ZYG11A: variants seen among roughly 807,000 people sequenced by gnomAD.
The protein encoded by ZYG11A is zyg-11 family member A, cell cycle regulator.
A neutral mutation model predicts 77.2 loss-of-function variants in ZYG11A; 62 were observed. That is an observed-to-expected ratio of 0.80 (90% CI 0.65 to 0.99). The LOEUF (loss-of-function observed/expected upper bound fraction) is 0.99, where lower values mean the gene tolerates loss of function less well. Among genes scored for constraint, ZYG11A ranks in the 50% least tolerant of loss-of-function variants. The pLI, the probability that ZYG11A is intolerant of heterozygous loss-of-function variation, is 0.00. For missense variants in ZYG11A, 828 were observed against 896.8 expected (o/e 0.92, Z 0.98); for synonymous variants, 315 against 324.6 (o/e 0.97, Z 0.32).
intron 8 of ZYG11A, among the ~76,000 whole-genome samples, chr1:52,874,632 T>G (rs1429003674): frequency 3.9e-5 from 6 of 152,154 alleles, no homozygotes. Flanking sequence ...CTTAGAAGGC[T>G]GAGGCAGGCG....
chr1:52,870,029 G>A (rs1387943983), intron 8 of ZYG11A, among the ~76,000 whole-genome samples: 10 of 143,354 alleles, frequency 7.0e-5, no homozygotes, highest in East Asian at 4.0e-4. Context: ...CTTCTCAGAC[G>A]GGGCGGCCAG....
chr1:52,885,343 T>G (rs1021962076), intron 11 of ZYG11A, among the ~76,000 whole-genome samples: 5 of 131,708 alleles, frequency 3.8e-5, no homozygotes, highest in African/African-American at 1.3e-4. Context: ...TGGGTTTTTG[T>G]TTTTTTTTTT....
At chr1:52,885,406 G>A (rs11206037) in intron 11 of ZYG11A, among the ~76,000 whole-genome samples, 10,842 of 150,418 alleles carry the variant, frequency 0.072, 726 homozygotes, top group African/African-American at 0.18. Context: ...GGGTTTCACC[G>A]TGTTAGCCAG....
intron 13 of ZYG11A, among the ~76,000 whole-genome samples, chr1:52,890,249 GTTTTTTTT>G (rs908467307): frequency 4.2e-5 from 3 of 71,658 alleles, no homozygotes; most frequent in Non-Finnish European, 7.4e-5. Flanking sequence ...TTTTCTTTTA[GTTTTTTTT>G]TTTTTTTTTT....
intron 12 of ZYG11A, 22 bp from the exon 13 acceptor site, chr1:52,886,934 T>C (rs772094906): frequency 2.2e-6 from 3 of 1,334,844 alleles, no homozygotes; most frequent in Non-Finnish European, 3.2e-6. Flanking sequence ...GATTAACATC[T>C]TTGTACTTTT....
chr1:52,871,854 G>A (rs1646173416), intron 8 of ZYG11A, among the ~76,000 whole-genome samples: 1 of 152,114 alleles, frequency 6.6e-6, no homozygotes, highest in Non-Finnish European at 1.5e-5. Flanking sequence ...GATTGATGTA[G>A]GAAAATTGAC....
At chr1:52,849,426 C>T (rs1645662192) in intron 1 of ZYG11A, among the ~76,000 whole-genome samples, 1 of 151,386 alleles carries the variant, frequency 6.6e-6, no homozygotes, top group South Asian at 2.1e-4. Context: ...TGCAGTGGCG[C>T]GATCTCCGCT....
At chr1:52,860,913 G>C in intron 4 of ZYG11A, 42 bp downstream of exon 4, 1 of 1,526,922 alleles carries the variant, frequency 6.5e-7, no homozygotes, top group Non-Finnish European at 8.9e-7. Flanking sequence ...TTCTTAACTT[G>C]GTTCAATTAA....
chr1:52,887,260 AAAAAGT>A (rs991530717), intron 13 of ZYG11A, among the ~76,000 whole-genome samples: 5 of 152,232 alleles, frequency 3.3e-5, no homozygotes, highest in African/African-American at 1.2e-4. Context: ...CAAGCAAAAT[AAAAAGT>A]AAAAGTTTGC....
At chr1:52,869,234 G>C (rs1476202914) in intron 8 of ZYG11A, among the ~76,000 whole-genome samples, 2 of 68,570 alleles carry the variant, frequency 2.9e-5, no homozygotes, top group East Asian at 5.5e-4. Context: ...TTTTTTTTTA[G>C]CTTTAGTGAT....
rs1199608403 is a variant in ZYG11A at position 52,854,538 on chromosome 1, C to T, written c.164C>T (p.Ser55Phe). 1.3e-6 allele frequency: 2 copies of T among 1,551,632 alleles called. No homozygotes were observed. The highest frequency in any genetic ancestry group is 1.7e-6 in the Non-Finnish European group (2 of 1,146,746). Reference sequence around the variant, plus strand: ...ATTGCTAACCTGGAGAAATTGTGTTCTGAAAGACCTGATGGAACACTGTGC... The same window carrying T: ...ATTGCTAACCTGGAGAAATTGTGTTTTGAAAGACCTGATGGAACACTGTGC... ...VLIANLEKLC[S>F]ERPDGTLCLP... Residue 55 changes from serine (S) to phenylalanine (F), a missense_variant, in exon 2 of 14, where the codon TCT (serine) becomes TTT (phenylalanine). Transcript: ENST00000371528.
rs1282858675 is a variant in ZYG11A at position 52,857,656 on chromosome 1, G to GT, written c.918dup (p.Ile307TyrfsTer21). 15 of 1,552,202 alleles carry GT rather than the reference G, an allele frequency of 9.7e-6. No homozygotes were observed. The highest frequency in any genetic ancestry group is 1.3e-5 in the Non-Finnish European group (15 of 1,147,100). ...GCATCACTGATGAAGCTGTAGAACTGTTTATACGACTGCGGCCTGCCATGC... is the reference window on the plus strand; with the variant it reads ...GCATCACTGATGAAGCTGTAGAACTGTTTTATACGACTGCGGCCTGCCATGC... On this transcript the variant is annotated frameshift_variant, in exon 3 of 14. Transcript: ENST00000371528. LOFTEE classifies it high-confidence loss of function.
At chr1:52,889,088 A>G (rs149042855) in intron 13 of ZYG11A, among the ~76,000 whole-genome samples, 8 of 152,320 alleles carry the variant, frequency 5.3e-5, no homozygotes, top group African/African-American at 1.9e-4. Flanking sequence ...CAACAACTAG[A>G]AGGGTAAGCA....
intron 8 of ZYG11A, among the ~76,000 whole-genome samples, chr1:52,870,847 A>G (rs1272153424): frequency 6.7e-6 from 1 of 150,240 alleles, no homozygotes; most frequent in East Asian, 2.0e-4. Flanking sequence ...AGAGGGAGAC[A>G]GTAGAAAGAG....
intron 10 of ZYG11A, 49 bp downstream of exon 10, chr1:52,878,018 T>A: frequency 6.9e-7 from 1 of 1,455,520 alleles, no homozygotes; most frequent in Non-Finnish European, 9.4e-7. Flanking sequence ...AAGCAAAACC[T>A]AACACTTATA....
intron 1 of ZYG11A, among the ~76,000 whole-genome samples, chr1:52,845,443 C>G (rs747402229): frequency 6.6e-6 from 1 of 151,476 alleles, no homozygotes; most frequent in Non-Finnish European, 1.5e-5. Context: ...GTAGCTGGGA[C>G]TACAAGTGTG....
intron 8 of ZYG11A, among the ~76,000 whole-genome samples, chr1:52,876,838 T>C (rs191575345): frequency 6.6e-6 from 1 of 152,354 alleles, no homozygotes; most frequent in Admixed American, 6.5e-5. Flanking sequence ...ATATTTTATG[T>C]ATCTTTTCAT....
intron 4 of ZYG11A, 40 bp downstream of exon 4, chr1:52,860,911 T>G: frequency 6.5e-7 from 1 of 1,529,278 alleles, no homozygotes. Context: ...ACTTCTTAAC[T>G]TGGTTCAATT....
chr1:52,842,898 G>C lies in ZYG11A; in HGVS notation c.15G>C (p.Leu5Phe). The change falls in exon 1 of 14, where the codon TTG (leucine) becomes TTC (phenylalanine). Residue 5 changes from leucine to phenylalanine, a missense_variant. Coordinates refer to ENST00000371528, the MANE Select transcript of ZYG11A (RefSeq NM_001004339.3). ...CCGGGGTTGCCATGGTTCATTTCTT[G>C]CACCCGGGCCACACGCCCCGGAACA... MVHF[L>F]HPGHTPRNIV... 6.5e-7 allele frequency: 1 copy of C among 1,532,038 alleles called. No homozygotes were observed. The highest frequency in any genetic ancestry group is 8.8e-7 in the Non-Finnish European group (1 of 1,138,868). The allele number at this position is 1,532,038 out of a possible 1,614,324, so 94.9% of individuals were successfully genotyped here. A position where few individuals can be genotyped will look rare whatever the true frequency, so the allele number is the denominator to read the frequency against.
Sources: allele counts gnomAD v4.1 joint callset (sites outside exome capture counted in the v4.1 genomes callset), GRCh38; gene constraint gnomAD v4.1.1; transcripts MANE v1.5; gene names NCBI Gene and HGNC (gene_info 2026-07-23, HGNC 2026-07-21).